COP1: variants seen among roughly 807,000 people sequenced by gnomAD.
The protein encoded by COP1 is COP1 E3 ubiquitin ligase.
COP1 carries 24 observed loss-of-function variants against 101.3 expected under a neutral mutation model. The observed-to-expected ratio is 0.24, with a 90% CI of 0.17 to 0.33. The LOEUF (loss-of-function observed/expected upper bound fraction) is 0.33. Among genes scored for constraint, COP1 ranks in the 10% least tolerant of loss-of-function variants. COP1 has a pLI of 1.00. For missense variants in COP1, 663 were observed against 906.2 expected (o/e 0.73, Z 3.45); for synonymous variants, 347 against 341.9 (o/e 1.01, Z -0.17).
chr1:176,085,257 G>T (rs1007288266), intron 10 of COP1, among the ~76,000 whole-genome samples: 10 of 151,330 alleles, frequency 6.6e-5, no homozygotes, highest in South Asian at 2.1e-4. Flanking sequence ...ATTCGGCCTG[G>T]ATTTTTTTTT....
intron 1 of COP1, among the ~76,000 whole-genome samples, chr1:176,197,404 A>C (rs1699814930): frequency 6.6e-6 from 1 of 152,170 alleles, no homozygotes; most frequent in Admixed American, 6.5e-5. Context: ...CGAGACAGCA[A>C]GACCACCTCT....
chr1:175,983,886 G>C (rs961640405), intron 18 of COP1, among the ~76,000 whole-genome samples: 3 of 152,206 alleles, frequency 2.0e-5, no homozygotes, highest in African/African-American at 7.2e-5. Context: ...GTCCTTGAGA[G>C]AGATGAGTTA....
intron 15 of COP1, among the ~76,000 whole-genome samples, chr1:176,004,857 C>G (rs1662698218): frequency 1.3e-5 from 2 of 151,646 alleles, no homozygotes; most frequent in Admixed American, 1.3e-4. Context: ...CAGCATGATG[C>G]TGGCCTCATA....
Position 176,206,650 on chromosome 1 carries a change from C to T in COP1, c.329G>A (p.Ser110Asn). The change falls in exon 1 of 20, where the codon AGC (serine) becomes AAC (asparagine). Residue 110 changes from serine (S) to asparagine (N), a missense_variant. This residue lies in a region of COP1 where 204 missense variants were observed against 203.6 expected (regional missense o/e 1.00). Transcript: ENST00000367669. Reference sequence around the variant, plus strand: ...GGGGGCGAGGAGAGGTCGCTTCCTGCTGCCGCTGCCTAGGCTGGAGCTGCT... The same window carrying T: ...GGGGGCGAGGAGAGGTCGCTTCCTGTTGCCGCTGCCTAGGCTGGAGCTGCT... ...GGSSSSLGSG[S>N]RKRPLLAPLC... is the part of the protein sequence containing the mutation. The T allele has an allele frequency of 6.2e-7, 1 of 1,611,622 alleles. No individual in the cohort carries two copies. The highest frequency in any genetic ancestry group is 8.5e-7 in the Non-Finnish European group (1 of 1,179,970).
chr1:176,039,576 T>C (rs1571857448), intron 14 of COP1, among the ~76,000 whole-genome samples: 1 of 62,852 alleles, frequency 1.6e-5, no homozygotes, highest in Non-Finnish European at 3.9e-5. Context: ...AAGAATGTTT[T>C]ACAGAAAAAA....
chr1:176,093,126 T>C (rs578110345), intron 9 of COP1, among the ~76,000 whole-genome samples: 3 of 152,182 alleles, frequency 2.0e-5, no homozygotes, highest in Admixed American at 6.5e-5. Flanking sequence ...GGGGTGTGTA[T>C]ATATGTGGTA....
At chr1:176,191,186 G>A (rs995895704) in intron 1 of COP1, among the ~76,000 whole-genome samples, 13 of 151,778 alleles carry the variant, frequency 8.6e-5, no homozygotes, top group Admixed American at 1.3e-4. Flanking sequence ...AAACAGACTC[G>A]AAAACAATAA....
At position 176,004,131 on chromosome 1, in the gene COP1, C is replaced by T. The variant is rs888619112; in HGVS notation, c.1730-14652G>A. On this transcript the variant is annotated intron_variant, in intron 15 of 19. Transcript: ENST00000367669. Reference sequence around the variant, plus strand: ...TGAAGCAATTGTGAATGGGAGTTCACTCATGATTCGGCTCTCTGTTTGTCT... The same window carrying T: ...TGAAGCAATTGTGAATGGGAGTTCATTCATGATTCGGCTCTCTGTTTGTCT... 5.7e-3 allele frequency among the ~76,000 whole-genome samples: 867 copies of T among 151,396 alleles called. 3 individuals carry two copies. The highest frequency in any genetic ancestry group is 9.5e-3 in the Non-Finnish European group (644 of 67,864).
At position 176,154,441 on chromosome 1, in the gene COP1, T is replaced by C. The variant is rs192171132; in HGVS notation, c.763-5367A>G. On this transcript the variant is annotated intron_variant, in intron 5 of 19. Coordinates refer to ENST00000367669, the MANE Select transcript of COP1 (RefSeq NM_022457.7). ...AAGAAAATGTGGTGTACATACACGA[T>C]AGAATGCTATGCAGCCATAAAAAAG... Among the ~76,000 whole-genome samples the C allele has an allele frequency of 5.2e-3, 788 of 151,916 alleles. 17 individuals carry two copies. The highest frequency in any genetic ancestry group is 0.038 in the Admixed American group (572 of 15,172).
intron 5 of COP1, among the ~76,000 whole-genome samples, chr1:176,152,876 C>T (rs1692845563): frequency 6.6e-6 from 1 of 152,152 alleles, no homozygotes; most frequent in Non-Finnish European, 1.5e-5. Flanking sequence ...TAGGATATTA[C>T]TATTTAGGTA....
intron 10 of COP1, among the ~76,000 whole-genome samples, chr1:176,081,542 AT>A (rs1045407964): frequency 1.3e-5 from 2 of 151,822 alleles, no homozygotes; most frequent in African/African-American, 4.8e-5. Flanking sequence ...TGGAAAAAAA[AT>A]AATAACAATA....
intron 8 of COP1, among the ~76,000 whole-genome samples, chr1:176,124,010 C>T (rs1687580032): frequency 6.6e-6 from 1 of 152,150 alleles, no homozygotes; most frequent in African/African-American, 2.4e-5. Flanking sequence ...TCTTGGTTGA[C>T]ACTCATGAAC....
At chr1:176,013,385 T>A (rs1018489121) in intron 15 of COP1, among the ~76,000 whole-genome samples, 7 of 152,188 alleles carry the variant, frequency 4.6e-5, no homozygotes, top group African/African-American at 1.7e-4. Flanking sequence ...GAATATAATC[T>A]TGTAATTTAA....
At chr1:176,150,634 C>CA (rs1261413665) in intron 5 of COP1, among the ~76,000 whole-genome samples, 3 of 152,114 alleles carry the variant, frequency 2.0e-5, no homozygotes, top group Admixed American at 2.0e-4. Context: ...CAACTTTATA[C>CA]AAAAAGTAAC....
At chr1:176,010,222 G>C (rs1664403407) in intron 15 of COP1, among the ~76,000 whole-genome samples, 1 of 151,964 alleles carries the variant, frequency 6.6e-6, no homozygotes, top group African/African-American at 2.4e-5. Context: ...TCAAACATCA[G>C]GATATTTGAC....
chr1:175,993,247 T>G (rs1464875857), intron 15 of COP1, among the ~76,000 whole-genome samples: 1 of 151,996 alleles, frequency 6.6e-6, no homozygotes, highest in Non-Finnish European at 1.5e-5. Context: ...CATCTGTATA[T>G]CACCACCATC....
intron 14 of COP1, among the ~76,000 whole-genome samples, chr1:176,035,710 C>CAAA (rs71129541): frequency 4.4e-4 from 32 of 73,092 alleles, no homozygotes; most frequent in African/African-American, 2.0e-3. Flanking sequence ...AAAACGAGAC[C>CAAA]AAAAAAAAAA....
At chr1:176,052,874 T>C (rs559531313) in intron 11 of COP1, among the ~76,000 whole-genome samples, 5 of 152,336 alleles carry the variant, frequency 3.3e-5, no homozygotes, top group East Asian at 3.9e-4. Flanking sequence ...TTGACCATCA[T>C]TTCATATCAG....
intron 3 of COP1, among the ~76,000 whole-genome samples, chr1:176,174,337 G>A (rs994817173): frequency 2.0e-5 from 3 of 152,144 alleles, no homozygotes; most frequent in Admixed American, 2.0e-4. Context: ...AAAGGATTTT[G>A]CCCTACAGGA....
Sources: gnomAD v4.1 joint callset for allele counts (sites outside exome capture counted in the v4.1 genomes callset) on GRCh38, gnomAD v4.1.1 for gene constraint, gnomAD v4.1.1 regional missense constraint, MANE v1.5 for transcripts, NCBI Gene and HGNC (gene_info 2026-07-23, HGNC 2026-07-21) for gene names.